Variants in SLC41A3 observed in about 807,000 individuals in gnomAD.
SLC41A3 encodes the protein SLC41A1-like 2.
Under a neutral mutation model 45.4 loss-of-function variants are expected in SLC41A3, and 44 were observed. The observed-to-expected ratio is 0.97, with a 90% CI of 0.76 to 1.25. The LOEUF (loss-of-function observed/expected upper bound fraction) is 1.25. Ranked by LOEUF, SLC41A3 falls within the 50% of genes most tolerant of loss-of-function variation. SLC41A3 has a pLI of 0.00. For synonymous variants in SLC41A3, 256 were observed against 252.4 expected (o/e 1.01, Z -0.13); for missense variants, 550 against 600.6 (o/e 0.92, Z 0.88).
Position 126,026,208 on chromosome 3 carries a change from G to T in SLC41A3, c.598+127C>A. ...GTCCCACCCTGCCAGTGAGAACCCT[G>T]AGCCCACCATCAGTCCCATTAGCAG... On this transcript the variant is annotated intron_variant, in intron 5 of 10. Coordinates refer to ENST00000360370, the MANE Select transcript of SLC41A3 (RefSeq NM_017836.4). The surrounding 1 kb of genome is among the most constrained non-coding windows in gnomAD (Gnocchi z 4.2). 7.1e-7 allele frequency: 1 copy of T among 1,402,336 alleles called. No individual in the cohort carries two copies. The highest frequency in any genetic ancestry group is 9.6e-7 in the Non-Finnish European group (1 of 1,045,818). The allele number at this position is 1,402,336 out of a possible 1,614,324, so 86.9% of individuals were successfully genotyped here.
chr3:126,019,242 T>C (rs1940612712), intron 6 of SLC41A3, among the ~76,000 whole-genome samples: 2 of 152,118 alleles, frequency 1.3e-5, no homozygotes, highest in Non-Finnish European at 2.9e-5. Flanking sequence ...ACTCCCATGG[T>C]AACTCATTAA....
At chr3:126,012,226 C>T (rs1018635904) in intron 9 of SLC41A3, among the ~76,000 whole-genome samples, 1 of 152,238 alleles carries the variant, frequency 6.6e-6, no homozygotes, top group Non-Finnish European at 1.5e-5. Context: ...CAGGGAGGAG[C>T]TTCCTTATCC....
intron 2 of SLC41A3, among the ~76,000 whole-genome samples, chr3:126,066,328 A>G (rs1352636345): frequency 1.3e-5 from 2 of 152,178 alleles, no homozygotes; most frequent in Non-Finnish European, 2.9e-5. Context: ...AGAGACCATG[A>G]AGCAGAAAAG....
At chr3:126,092,680 T>G (rs1945513376) in intron 1 of SLC41A3, 1 of 152,764 alleles carries the variant, frequency 6.5e-6, no homozygotes, top group African/African-American at 2.4e-5. Context: ...CGTGGAGAAC[T>G]AAGCTGGAGG....
intron 1 of SLC41A3, among the ~76,000 whole-genome samples, chr3:126,094,504 AAC>A (rs1945555661): frequency 3.3e-5 from 5 of 152,244 alleles, no homozygotes; most frequent in Non-Finnish European, 7.3e-5. Flanking sequence ...GGAGAATGTT[AAC>A]TGACTTAAGA....
At chr3:126,082,149 T>C (rs578165688) in intron 1 of SLC41A3, among the ~76,000 whole-genome samples, 12 of 152,358 alleles carry the variant, frequency 7.9e-5, no homozygotes, top group African/African-American at 2.6e-4. Context: ...TTGGAGTGTT[T>C]GCAAGGAGAA....
At chr3:126,084,228 G>C (rs943721036), upstream of SLC41A3, 5 of 151,986 alleles carry the variant, frequency 3.3e-5, no homozygotes, top group East Asian at 2.0e-4. Flanking sequence ...CGGACGACTT[G>C]GCGCTCCGGG....
Position 126,026,833 on chromosome 3 carries a change from C to T in SLC41A3, c.454-354G>A, listed in dbSNP as rs28711632. Among the ~76,000 whole-genome samples, 8,284 of 152,242 alleles carry T rather than the reference C, an allele frequency of 0.054. 706 individuals carry two copies. Among genetic ancestry groups the T allele is most frequent in the African/African-American group, 0.18 (7,552 of 41,512 alleles). On this transcript the variant is annotated intron_variant, in intron 4 of 10. Coordinates refer to ENST00000360370, the MANE Select transcript of SLC41A3 (RefSeq NM_017836.4). The surrounding 1 kb of genome is among the most constrained non-coding windows in gnomAD (Gnocchi z 4.2). ...CTGAGCAGAAGTCCTCTGCAACTCCCGGCAGTGCAGACAACACACCTCACT... is the reference window on the plus strand; with the variant it reads ...CTGAGCAGAAGTCCTCTGCAACTCCTGGCAGTGCAGACAACACACCTCACT...
chr3:126,007,258 C>A (rs1279849388), intron 10 of SLC41A3, 33 bp from the exon 11 acceptor site: 2 of 1,606,496 alleles, frequency 1.2e-6, no homozygotes, highest in Non-Finnish European at 1.7e-6. Flanking sequence ...CAAAAGAAGA[C>A]CAAGTCAGAA....
At chr3:126,064,972 G>A (rs1944274997) in intron 2 of SLC41A3, among the ~76,000 whole-genome samples, 1 of 152,248 alleles carries the variant, frequency 6.6e-6, no homozygotes, top group South Asian at 2.1e-4. Flanking sequence ...TCACCCAAGG[G>A]AGGTTTCTCC....
chr3:126,083,807 C>G (rs1247948518), intron 1 of SLC41A3: 1 of 151,844 alleles, frequency 6.6e-6, no homozygotes, highest in Non-Finnish European at 1.5e-5. Context: ...CCGGCCTCCC[C>G]GAGGCGTGGC....
intron 4 of SLC41A3, among the ~76,000 whole-genome samples, chr3:126,031,241 G>A (rs1412627846): frequency 1.3e-5 from 2 of 152,046 alleles, no homozygotes; most frequent in Non-Finnish European, 2.9e-5. Context: ...TTAATGGTAG[G>A]GCTAATTATT....
intron 3 of SLC41A3, among the ~76,000 whole-genome samples, chr3:126,037,958 C>A (rs546308452): frequency 4.5e-4 from 69 of 152,350 alleles, no homozygotes; most frequent in Admixed American, 1.2e-3. Context: ...CTCCCAACAT[C>A]CCTGGCTGTT....
At chr3:126,016,246 A>C (rs1940264863) in intron 7 of SLC41A3, among the ~76,000 whole-genome samples, 1 of 152,242 alleles carries the variant, frequency 6.6e-6, no homozygotes, top group South Asian at 2.1e-4. Context: ...TGAAGGTTCT[A>C]AGGCTCTGGA....
chr3:126,043,775 C>A lies in SLC41A3; in HGVS notation c.381+7168G>T, dbSNP rs550261864. Among the ~76,000 whole-genome samples the A allele has an allele frequency of 7.4e-5, 10 of 134,494 alleles. 1 individual carries two copies. In the South Asian group the frequency reaches 2.4e-3, roughly 32 times the overall value. 88.2% of individuals were successfully genotyped at this position (134,494 alleles called of 152,430 possible). A position where few individuals can be genotyped will look rare whatever the true frequency, so the allele number is the denominator to read the frequency against. ...TTTATAAAATATAAACAAAAAGGAA[C>A]TAAGAAGGCAATCAAAACATATCAC... On this transcript the variant is annotated intron_variant, in intron 3 of 10. Coordinates refer to ENST00000360370, the MANE Select transcript of SLC41A3 (RefSeq NM_017836.4).
intron 1 of SLC41A3, among the ~76,000 whole-genome samples, chr3:126,069,631 A>G (rs927167601): frequency 3.3e-5 from 5 of 152,330 alleles, no homozygotes; most frequent in Middle Eastern, 3.4e-3. Context: ...AAAAAAATTA[A>G]TAGAAACTGT....
chr3:126,030,847 A>C (rs1332546401), intron 4 of SLC41A3, among the ~76,000 whole-genome samples: 1 of 152,242 alleles, frequency 6.6e-6, no homozygotes, highest in African/African-American at 2.4e-5. Flanking sequence ...ATGTGAGAAA[A>C]TGGTTCTCTT....
chr3:126,101,116 CCACAT>C (rs1945699998), intron 1 of SLC41A3, among the ~76,000 whole-genome samples: 1 of 152,218 alleles, frequency 6.6e-6, no homozygotes, highest in Admixed American at 6.5e-5. Flanking sequence ...CAAGTGCTGC[CCACAT>C]CCGCGGGGTT....
At chr3:126,052,638 G>A (rs1245304633) in intron 2 of SLC41A3, among the ~76,000 whole-genome samples, 1 of 152,050 alleles carries the variant, frequency 6.6e-6, no homozygotes, top group African/African-American at 2.4e-5. Flanking sequence ...TGCTCTCCCT[G>A]CAGGGTGGCA....
Sources: gnomAD v4.1 joint callset for allele counts (sites outside exome capture counted in the v4.1 genomes callset) on GRCh38, gnomAD v4.1.1 for gene constraint, Gnocchi (gnomAD v3.1) non-coding constraint, MANE v1.5 for transcripts, NCBI Gene and HGNC (gene_info 2026-07-23, HGNC 2026-07-21) for gene names.